Variants in ADCY7 observed in about 807,000 individuals in gnomAD.
The protein encoded by ADCY7 is adenylate cyclase 7.
Under a neutral mutation model 120.6 loss-of-function variants are expected in ADCY7, and 72 were observed. That is an observed-to-expected ratio of 0.60 (90% CI 0.49 to 0.73). ADCY7 has a LOEUF of 0.73. Among genes scored for constraint, ADCY7 ranks in the 30% least tolerant of loss-of-function variants. The pLI is 0.00. For missense variants in ADCY7, 1,227 were observed against 1,486.0 expected (o/e 0.83, Z 2.87); for synonymous variants, 661 against 628.0 (o/e 1.05, Z -0.78).
At chr16:50,308,300 G>T in intron 15 of ADCY7, 27 bp from the exon 16 acceptor site, 1 of 1,614,222 alleles carries the variant, frequency 6.2e-7, no homozygotes, top group Non-Finnish European at 8.5e-7. Flanking sequence ...GCCCTAGGCA[G>T]AACTGAGGTT....
In ADCY7 at chr16:50,280,866, C is replaced by T. The variant is rs528643609; in HGVS notation, c.-268-7046C>T. Among the ~76,000 whole-genome samples the T allele has an allele frequency of 2.0e-4, 31 of 152,300 alleles. No individual in the cohort carries two copies. In the East Asian group the frequency reaches 5.6e-3, roughly 28 times the overall value. On this transcript the variant is annotated intron_variant, in intron 1 of 25. Coordinates refer to ENST00000673801, the MANE Select transcript of ADCY7 (RefSeq NM_001114.5). ...AAGAGACTTGTTTAGGGTCACAGAGCAGGTTGGTGGCTAAGCTGGGACTGG... is the reference window on the plus strand; with the variant it reads ...AAGAGACTTGTTTAGGGTCACAGAGTAGGTTGGTGGCTAAGCTGGGACTGG...
chr16:50,294,634 C>CAA lies in ADCY7; in HGVS notation c.837-6_837-5insAA. On this transcript the variant is annotated splice_region_variant and splice_polypyrimidine_tract_variant and intron_variant, in intron 6 of 25. Coordinates refer to ENST00000673801, the MANE Select transcript of ADCY7 (RefSeq NM_001114.5). ...GACACTCCCTCCCACCCTGCCCCAT[C>CAA]CCCAGCATCCTCTATGCGGACATCG... 2.0e-5 allele frequency: 17 copies of CAA among 864,312 alleles called. No individual in the cohort carries two copies. The highest frequency in any genetic ancestry group is 2.5e-5 in the Non-Finnish European group (13 of 526,630). 53.5% of individuals were successfully genotyped at this position (864,312 alleles called of 1,614,324 possible).
At chr16:50,270,645 C>T (rs951596556) in intron 1 of ADCY7, among the ~76,000 whole-genome samples, 2 of 152,202 alleles carry the variant, frequency 1.3e-5, no homozygotes, top group Admixed American at 6.5e-5. Flanking sequence ...TTGGACCTCC[C>T]TGGGGGAGCC....
In ADCY7 at chr16:50,294,831, C is replaced by A. The variant is rs1164206286; in HGVS notation, c.948+80C>A. The A allele has an allele frequency of 4.1e-6, 4 of 977,716 alleles. No homozygotes were observed. In the African/African-American group the frequency reaches 6.5e-5, roughly 16 times the overall value. 60.6% of individuals were successfully genotyped at this position (977,716 alleles called of 1,614,324 possible). ...CCCCAGGGGTGTCCTGTGTTCAGTG[C>A]CCTGCTGGAATTGGGATGGGGAGGC... On this transcript the variant is annotated intron_variant, in intron 7 of 25. Transcript: ENST00000673801.
intron 7 of ADCY7, 63 bp downstream of exon 7, chr16:50,294,814 G>T: frequency 1.7e-6 from 2 of 1,198,576 alleles, no homozygotes; most frequent in Non-Finnish European, 2.4e-6. Context: ...CACCCCAGGG[G>T]TGTCCTGTGT....
chr16:50,290,489 G>A lies in ADCY7; in HGVS notation c.204G>A (p.Met68Ile). The change falls in exon 3 of 26, where the codon ATG becomes ATA. Residue 68 changes from methionine to isoleucine, a missense_variant. Coordinates refer to ENST00000673801, the MANE Select transcript of ADCY7 (RefSeq NM_001114.5). ...DPSRHQAILG[M>I]AFLVLAVFAA... ...CCAGACACCAGGCCATTCTGGGCAT[G>A]GCGTTCCTGGTGCTGGCGGTGTTTG... is the stretch of plus-strand genomic sequence containing the variant. 1 of 1,614,230 alleles carries A rather than the reference G, an allele frequency of 6.2e-7. No individual in the cohort carries two copies. The highest frequency in any genetic ancestry group is 8.5e-7 in the Non-Finnish European group (1 of 1,180,048).
Position 50,304,943 on chromosome 16 carries a change from C to T in ADCY7, c.1579C>T (p.Arg527Cys), listed in dbSNP as rs186124026. 20 of 1,613,518 alleles carry T rather than the reference C, an allele frequency of 1.2e-5. No homozygotes were observed. Among genetic ancestry groups the T allele is most frequent in the African/African-American group, 9.3e-5 (7 of 75,066 alleles). ...CTTTCAGAGCGTTCCCCAGCGCCAC[C>T]GCCGGACCCCAGACAGGTGCGTGCC... ...RRPKSVPQRH[R>C]RTPDRSMSPK... is the part of the protein sequence containing the mutation. The change falls in exon 12 of 26, where the codon CGC becomes TGC. Residue 527 changes from arginine to cysteine, a missense_variant. Coordinates refer to ENST00000673801, the MANE Select transcript of ADCY7 (RefSeq NM_001114.5).
At chr16:50,253,808 CG>C (rs1170971154) in intron 1 of ADCY7, among the ~76,000 whole-genome samples, 2 of 152,108 alleles carry the variant, frequency 1.3e-5, no homozygotes, top group Non-Finnish European at 2.9e-5. Context: ...GGGGTGGAGG[CG>C]GTGGTGTCTG....
At chr16:50,295,656 G>A (rs1336718504) in intron 7 of ADCY7, among the ~76,000 whole-genome samples, 1 of 152,090 alleles carries the variant, frequency 6.6e-6, no homozygotes, top group Non-Finnish European at 1.5e-5. Context: ...GGGGACAAGG[G>A]CACAAGGTCT....
At chr16:50,292,925 G>T (rs1403916003) in intron 5 of ADCY7, 100 bp downstream of exon 5, 18 of 1,469,974 alleles carry the variant, frequency 1.2e-5, no homozygotes, top group Non-Finnish European at 1.5e-5. Flanking sequence ...GAGGTGCATG[G>T]CCAGACACCC....
intron 1 of ADCY7, among the ~76,000 whole-genome samples, chr16:50,257,347 G>A (rs1172893380): frequency 1.3e-5 from 2 of 152,054 alleles, no homozygotes; most frequent in African/African-American, 4.8e-5. Context: ...GATAGAGAGA[G>A]GTCAGTCAAA....
At chr16:50,257,903 A>T (rs1025891756) in intron 1 of ADCY7, among the ~76,000 whole-genome samples, 2 of 151,786 alleles carry the variant, frequency 1.3e-5, no homozygotes, top group African/African-American at 4.8e-5. Context: ...CCACCACACC[A>T]GGCTAATTTT....
In ADCY7 at chr16:50,314,287, C is replaced by A. The variant is rs200976405; in HGVS notation, c.2857-5C>A. ...CAAGGATCTGACCCACAGCCTGTCC[C>A]GCAGGAGCTGGAGCGGCAGCATGCC... On this transcript the variant is annotated splice_polypyrimidine_tract_variant and splice_region_variant and intron_variant, in intron 23 of 25. Transcript: ENST00000673801. 1.9e-6 allele frequency: 3 copies of A among 1,613,130 alleles called. No homozygotes were observed. Among genetic ancestry groups the A allele is most frequent in the Admixed American group, 1.7e-5 (1 of 60,010 alleles).
chr16:50,281,857 G>C lies in ADCY7; in HGVS notation c.-268-6055G>C, dbSNP rs144111007. Among the ~76,000 whole-genome samples, 239 of 152,306 alleles carry C rather than the reference G, an allele frequency of 1.6e-3. 4 individuals carry two copies. Among genetic ancestry groups the C allele is most frequent in the African/African-American group, 5.5e-3 (230 of 41,564 alleles). On this transcript the variant is annotated intron_variant, in intron 1 of 25. Transcript: ENST00000673801. The stretch of plus-strand genomic sequence containing the variant: ...CAGCTGCTGGCTTCATGGAGCTCAG[G>C]GTCTCTTGAGAGAGTTCGCGTTAAT...
intron 20 of ADCY7, 95 bp downstream of exon 20, chr16:50,311,881 G>A (rs887041891): frequency 2.8e-6 from 4 of 1,448,466 alleles, no homozygotes; most frequent in Non-Finnish European, 3.8e-6. Flanking sequence ...CTCAGGTGGA[G>A]TAGCAGAAAA....
In ADCY7 at chr16:50,305,319, A is replaced by G. The variant is rs143581671; in HGVS notation, c.1596-184A>G. On this transcript the variant is annotated intron_variant, in intron 12 of 25. Coordinates refer to ENST00000673801, the MANE Select transcript of ADCY7 (RefSeq NM_001114.5). ...TCTGCCTCTGGCTTGGCTGCTGGCC[A>G]GCTGGGCCATGCTGGGCCATGCTGG... 2.1e-3 allele frequency among the ~76,000 whole-genome samples: 322 copies of G among 152,286 alleles called. 1 individual carries two copies. Among genetic ancestry groups the G allele is most frequent in the African/African-American group, 7.4e-3 (306 of 41,562 alleles).
intron 1 of ADCY7, among the ~76,000 whole-genome samples, chr16:50,268,797 G>C (rs1185035262): frequency 6.6e-6 from 1 of 152,214 alleles, no homozygotes; most frequent in African/African-American, 2.4e-5. Flanking sequence ...AGCACTTTGG[G>C]AGGCCAAGGT....
In ADCY7 at chr16:50,315,395, G is replaced by A. The variant is rs148842632; in HGVS notation, c.3133G>A (p.Gly1045Arg). The part of the protein sequence containing the change: ...EETCTILQGL[G>R]YSCECRGLIN... ...GACCTGCACCATCCTCCAGGGCCTC[G>A]GGTACTCTTGTGAATGCCGTGGCCT... The change falls in exon 26 of 26, where the codon GGG (glycine) becomes AGG (arginine). Residue 1045 changes from glycine to arginine, a missense_variant. Gly to Arg is a moderately radical substitution (Grantham distance 125). Transcript: ENST00000673801. The A allele has an allele frequency of 1.7e-3, 2,720 of 1,613,638 alleles. 8 individuals are homozygous for A. The highest frequency in any genetic ancestry group is 2.0e-3 in the Non-Finnish European group (2,346 of 1,179,604).
Position 50,305,839 on chromosome 16 carries a change from T to C in ADCY7, c.1742T>C (p.Phe581Ser), listed in dbSNP as rs560444200. 1 of 1,613,810 alleles carries C rather than the reference T, an allele frequency of 6.2e-7. No homozygotes were observed. Among genetic ancestry groups the C allele is most frequent in the African/African-American group, 1.3e-5 (1 of 75,062 alleles). The change falls in exon 14 of 26, where the codon TTT becomes TCT. Residue 581 changes from phenylalanine to serine, a missense_variant. Physicochemically the swap from Phe to Ser is radical, Grantham distance 155 (BLOSUM62 -2). Coordinates refer to ENST00000673801, the MANE Select transcript of ADCY7 (RefSeq NM_001114.5). ...GGGTCCATCTTCCTGGAGAAGGGCTTTGAGCGCGAGGTGAGGGCCCCCAGC... is the reference window on the plus strand; with the variant it reads ...GGGTCCATCTTCCTGGAGAAGGGCTCTGAGCGCGAGGTGAGGGCCCCCAGC... ...TFGSIFLEKG[F>S]EREYRLAPIP...
Sources: allele counts gnomAD v4.1 joint callset (sites outside exome capture counted in the v4.1 genomes callset), GRCh38; gene constraint gnomAD v4.1.1; transcripts MANE v1.5; gene names NCBI Gene and HGNC (gene_info 2026-07-23, HGNC 2026-07-21).